The following GFRA1 variants were observed in gnomAD, a reference collection of about 807,000 sequenced individuals.
The protein encoded by GFRA1 is GDNF family receptor alpha 1, also known as GDNF family receptor alpha-1.
In GFRA1, 16 loss-of-function variants were observed where a neutral mutation model predicts 51.6. That is an observed-to-expected ratio of 0.31 (90% CI 0.21 to 0.47). The LOEUF (loss-of-function observed/expected upper bound fraction) is 0.47. GFRA1 is among the 20% of genes least tolerant of loss of function. The pLI is 1.00. For missense variants in GFRA1, 530 were observed against 594.3 expected, an observed-to-expected ratio of 0.89 and a Z score of 1.13; for synonymous variants, 270 against 241.3, an observed-to-expected ratio of 1.12 and a Z score of -1.10.
chr10:116,137,737 T>C (rs1958391861), intron 5 of GFRA1, among the ~76,000 whole-genome samples: 1 of 152,192 alleles, frequency 6.6e-6, no homozygotes, highest in African/African-American at 2.4e-5. Context: ...GGAGCTGCAC[T>C]CAAGAGGACC....
chr10:116,093,584 G>A, intron 8 of GFRA1, 118 bp downstream of exon 8: 1 of 868,162 alleles, frequency 1.2e-6, no homozygotes, highest in Admixed American at 1.8e-5. Flanking sequence ...CAGGCACAAG[G>A]TACAAGAGGT....
At chr10:116,247,651 TTC>T (rs2134672219) in intron 4 of GFRA1, among the ~76,000 whole-genome samples, 1 of 152,280 alleles carries the variant, frequency 6.6e-6, no homozygotes, top group African/African-American at 2.4e-5. Flanking sequence ...CAAAGCCTCT[TTC>T]TGAGACTTCA....
chr10:116,189,816 T>C (rs746565658), intron 5 of GFRA1, among the ~76,000 whole-genome samples: 4 of 152,206 alleles, frequency 2.6e-5, no homozygotes, highest in South Asian at 2.1e-4. Context: ...GAACCATCGA[T>C]ATAGAATAGT....
intron 5 of GFRA1, among the ~76,000 whole-genome samples, chr10:116,131,375 T>C (rs1958095971): frequency 6.6e-6 from 1 of 152,204 alleles, no homozygotes; most frequent in Admixed American, 6.5e-5. Context: ...AAACATACAA[T>C]TACCCTATGG....
At chr10:116,172,035 T>C (rs1269826788) in intron 5 of GFRA1, among the ~76,000 whole-genome samples, 3 of 152,146 alleles carry the variant, frequency 2.0e-5, no homozygotes, top group Non-Finnish European at 1.5e-5. Flanking sequence ...CCCTTGTCCC[T>C]AGAATACACG....
intron 5 of GFRA1, among the ~76,000 whole-genome samples, chr10:116,167,142 G>A (rs1198327058): frequency 6.6e-6 from 1 of 152,066 alleles, no homozygotes; most frequent in Non-Finnish European, 1.5e-5. Context: ...GTCTTCTCAA[G>A]CCATATTTTC....
chr10:116,135,289 C>T (rs1052072924), intron 5 of GFRA1, among the ~76,000 whole-genome samples: 10 of 152,144 alleles, frequency 6.6e-5, no homozygotes, highest in African/African-American at 1.2e-4. Context: ...ATTATAATTA[C>T]GGTGTATAAA....
At chr10:116,228,011 T>C (rs1044089283) in intron 4 of GFRA1, among the ~76,000 whole-genome samples, 1 of 152,222 alleles carries the variant, frequency 6.6e-6, no homozygotes, top group Non-Finnish European at 1.5e-5. Flanking sequence ...CTGGAGCCAG[T>C]TTGTGGCTTG....
intron 4 of GFRA1, among the ~76,000 whole-genome samples, chr10:116,256,962 A>C (rs1428993320): frequency 1.6e-5 from 2 of 121,924 alleles, no homozygotes; most frequent in African/African-American, 5.8e-5. Context: ...ACTGCTCCCA[A>C]GCGAGAGAGC....
At chr10:116,134,176 G>T (rs911926468) in intron 5 of GFRA1, among the ~76,000 whole-genome samples, 1 of 152,200 alleles carries the variant, frequency 6.6e-6, no homozygotes, top group African/African-American at 2.4e-5. Context: ...GACAATAAAA[G>T]AACGTTTGTT....
intron 5 of GFRA1, among the ~76,000 whole-genome samples, chr10:116,158,497 A>G (rs1007590850): frequency 1.3e-5 from 2 of 152,226 alleles, no homozygotes; most frequent in Admixed American, 1.3e-4. Flanking sequence ...AGATTGCTCT[A>G]TGCAACCTAG....
At chr10:116,146,160 G>C (rs1232027619) in intron 5 of GFRA1, among the ~76,000 whole-genome samples, 1 of 152,000 alleles carries the variant, frequency 6.6e-6, no homozygotes, top group East Asian at 1.9e-4. Flanking sequence ...ACATGCAAGA[G>C]AATGATAAAC....
intron 5 of GFRA1, among the ~76,000 whole-genome samples, chr10:116,174,900 A>AT (rs112923099): frequency 0.023 from 3,437 of 152,172 alleles, 143 homozygotes; most frequent in African/African-American, 0.079. Flanking sequence ...GATTTATTGT[A>AT]TTTTTTCCAA....
chr10:116,218,202 T>C (rs1965691090), intron 4 of GFRA1, among the ~76,000 whole-genome samples: 1 of 152,184 alleles, frequency 6.6e-6, no homozygotes, highest in South Asian at 2.1e-4. Flanking sequence ...CACTCATTCC[T>C]TTAACACTGC....
intron 5 of GFRA1, among the ~76,000 whole-genome samples, chr10:116,186,917 C>T (rs1469395061): frequency 6.6e-6 from 1 of 152,144 alleles, no homozygotes; most frequent in Non-Finnish European, 1.5e-5. Flanking sequence ...AGCTAGTGCC[C>T]CTCCATGCTG....
At chr10:116,221,105 T>G (rs895226586) in intron 4 of GFRA1, among the ~76,000 whole-genome samples, 1 of 152,202 alleles carries the variant, frequency 6.6e-6, no homozygotes, top group Admixed American at 6.5e-5. Context: ...TTTCTGTACA[T>G]CAGGCACTAT....
chr10:116,225,734 C>T (rs995753208), intron 4 of GFRA1, among the ~76,000 whole-genome samples: 18 of 151,432 alleles, frequency 1.2e-4, no homozygotes, highest in African/African-American at 1.2e-4. Flanking sequence ...GGATTACAGG[C>T]GCCCACCACC....
chr10:116,243,723 G>A (rs1258293423), intron 4 of GFRA1, among the ~76,000 whole-genome samples: 2 of 152,116 alleles, frequency 1.3e-5, no homozygotes, highest in Non-Finnish European at 2.9e-5. Flanking sequence ...TTTGATTCCA[G>A]TGTACAGCCT....
intron 5 of GFRA1, among the ~76,000 whole-genome samples, chr10:116,175,247 G>A (rs558059854): frequency 6.6e-6 from 1 of 152,148 alleles, no homozygotes; most frequent in Admixed American, 6.5e-5. Context: ...AATAGTGTCT[G>A]TTCTGTGCCT....
Sources: allele counts gnomAD v4.1 joint callset (sites outside exome capture counted in the v4.1 genomes callset), GRCh38; gene constraint gnomAD v4.1.1; transcripts MANE v1.5; gene names NCBI Gene and HGNC (gene_info 2026-07-23, HGNC 2026-07-21).